The following CASR variants were observed in gnomAD, a reference collection of about 807,000 sequenced individuals.
The protein encoded by CASR is calcium sensing receptor.
Under a neutral mutation model 69.1 loss-of-function variants are expected in CASR, and 23 were observed. That is an observed-to-expected ratio of 0.33 (90% CI 0.24 to 0.47). The LOEUF (loss-of-function observed/expected upper bound fraction) is 0.47. Among genes scored for constraint, CASR ranks in the 20% least tolerant of loss-of-function variants. The probability of loss-of-function intolerance (pLI) is 1.00; values close to 1 mark genes in which losing one functional copy is unlikely to be tolerated. For synonymous variants in CASR, 541 were observed against 544.7 expected, an observed-to-expected ratio of 0.99 and a Z score of 0.10; for missense variants, 924 against 1,356.1, an observed-to-expected ratio of 0.68 and a Z score of 5.00.
chr3:122,241,827 C>A (rs2074381728), intron 1 of CASR, among the ~76,000 whole-genome samples: 1 of 152,114 alleles, frequency 6.6e-6, no homozygotes, highest in African/African-American at 2.4e-5. Context: ...AAATATCATT[C>A]ATCATGACCA....
At chr3:122,187,782 G>A (rs952561202) in intron 1 of CASR, among the ~76,000 whole-genome samples, 1 of 152,154 alleles carries the variant, frequency 6.6e-6, no homozygotes, top group African/African-American at 2.4e-5. Flanking sequence ...GAAACATCAT[G>A]TCAAGTTCTA....
At position 122,240,319 on chromosome 3, in the gene CASR, G is replaced by A. The variant is rs775752864; in HGVS notation, c.-242-13629G>A. On this transcript the variant is annotated intron_variant, in intron 1 of 6. Transcript: ENST00000639785. ...TCACCTATAAAGGTACACATAGGCTGAAAATAAAGGGATGGAAAAAGATAT... is the reference window on the plus strand; with the variant it reads ...TCACCTATAAAGGTACACATAGGCTAAAAATAAAGGGATGGAAAAAGATAT... 2.3e-4 allele frequency among the ~76,000 whole-genome samples: 35 copies of A among 152,268 alleles called. 1 individual carries two copies. Among genetic ancestry groups the A allele is most frequent in the Non-Finnish European group, 4.3e-4 (29 of 68,018 alleles).
chr3:122,277,236 G>A (rs34464400), intron 5 of CASR, among the ~76,000 whole-genome samples: 25,665 of 151,602 alleles, frequency 0.17, 2,604 homozygotes, highest in East Asian at 0.4. Flanking sequence ...TAGTAGAGAC[G>A]GGGTTTCACC....
intron 1 of CASR, among the ~76,000 whole-genome samples, chr3:122,252,406 G>GGAAGGAAAAAGAAAGAAAGAAA: frequency 1.8e-4 from 1 of 5,654 alleles, no homozygotes; most frequent in South Asian, 4.8e-3. Flanking sequence ...AAGGAAGGAA[G>GGAAGGAAAAAGAAAGAAAGAAA]GAAAAAGAAA....
At chr3:122,205,873 C>T (rs1184866992) in intron 1 of CASR, among the ~76,000 whole-genome samples, 1 of 151,606 alleles carries the variant, frequency 6.6e-6, no homozygotes, top group African/African-American at 2.4e-5. Flanking sequence ...TCAGATTGTT[C>T]ACTGGTGGTG....
intron 1 of CASR, among the ~76,000 whole-genome samples, chr3:122,253,084 G>C (rs2074515288): frequency 6.6e-6 from 1 of 152,150 alleles, no homozygotes; most frequent in Non-Finnish European, 1.5e-5. Context: ...TATAAGAACT[G>C]TTCTTAAAAG....
intron 1 of CASR, among the ~76,000 whole-genome samples, chr3:122,203,780 A>G (rs1320446536): frequency 6.6e-6 from 1 of 152,250 alleles, no homozygotes; most frequent in Non-Finnish European, 1.5e-5. Context: ...ATGTTGGGAT[A>G]GGTAAGATGT....
chr3:122,193,381 T>C (rs112810772), intron 1 of CASR, among the ~76,000 whole-genome samples: 4,592 of 152,132 alleles, frequency 0.03, 106 homozygotes, highest in South Asian at 0.068. Context: ...CATGCCCAGC[T>C]GATTTTTGTA....
chr3:122,277,550 G>A lies in CASR; in HGVS notation c.1608+1508G>A, dbSNP rs759998415. On this transcript the variant is annotated intron_variant, in intron 5 of 6. Transcript: ENST00000639785. ...TAATAGCTTACACCCCAGAGGGTGGGTTCTTAATTATAAATATGTCATGAC... is the reference window on the plus strand; with the variant it reads ...TAATAGCTTACACCCCAGAGGGTGGATTCTTAATTATAAATATGTCATGAC... 1.6e-4 allele frequency among the ~76,000 whole-genome samples: 24 copies of A among 152,162 alleles called. 1 individual carries two copies. Among genetic ancestry groups the A allele is most frequent in the Non-Finnish European group, 2.9e-4 (20 of 68,026 alleles).
At chr3:122,233,017 C>G (rs1330880175) in intron 1 of CASR, among the ~76,000 whole-genome samples, 1 of 152,222 alleles carries the variant, frequency 6.6e-6, no homozygotes, top group African/African-American at 2.4e-5. Context: ...ATGGAACTAA[C>G]CAAACATTTC....
intron 4 of CASR, among the ~76,000 whole-genome samples, chr3:122,274,729 T>C (rs2074796007): frequency 1.3e-5 from 2 of 152,202 alleles, no homozygotes; most frequent in African/African-American, 4.8e-5. Flanking sequence ...TAGTGAGACC[T>C]TGTCTCTACA....
chr3:122,209,058 A>G (rs1576823514), intron 1 of CASR, among the ~76,000 whole-genome samples: 1 of 152,204 alleles, frequency 6.6e-6, no homozygotes. Flanking sequence ...CTCCTAATGC[A>G]GTAGTACTTA....
chr3:122,185,135 T>G (rs1199642232), intron 1 of CASR, among the ~76,000 whole-genome samples: 1 of 152,190 alleles, frequency 6.6e-6, no homozygotes, highest in East Asian at 1.9e-4. Flanking sequence ...ATTTTAACAT[T>G]ATAGCTTTCA....
chr3:122,239,329 G>A (rs2074358603), intron 1 of CASR, among the ~76,000 whole-genome samples: 2 of 152,210 alleles, frequency 1.3e-5, no homozygotes, highest in South Asian at 4.1e-4. Flanking sequence ...GGGCTCCTCT[G>A]CCTGTGGAAA....
intron 2 of CASR, among the ~76,000 whole-genome samples, chr3:122,255,874 C>T (rs549790088): frequency 4.1e-5 from 6 of 147,544 alleles, no homozygotes; most frequent in Non-Finnish European, 7.4e-5. Context: ...CTGTCACTGT[C>T]ACTGAGTTCA....
intron 4 of CASR, among the ~76,000 whole-genome samples, chr3:122,264,301 G>C (rs770575691): frequency 6.6e-6 from 1 of 152,122 alleles, no homozygotes; most frequent in Non-Finnish European, 1.5e-5. Flanking sequence ...CATTCCCCAG[G>C]GTTAGCAATT....
intron 1 of CASR, among the ~76,000 whole-genome samples, chr3:122,241,672 G>A (rs1161679619): frequency 6.6e-6 from 1 of 151,940 alleles, no homozygotes; most frequent in Non-Finnish European, 1.5e-5. Flanking sequence ...CAAACTCATT[G>A]TATGAGGCCA....
intron 1 of CASR, among the ~76,000 whole-genome samples, chr3:122,249,433 C>G (rs1320050340): frequency 1.3e-5 from 2 of 152,230 alleles, no homozygotes; most frequent in Non-Finnish European, 2.9e-5. Flanking sequence ...GTATCTAGCA[C>G]ATAGAGAGCT....
chr3:122,279,988 T>C (rs188440320), intron 5 of CASR, among the ~76,000 whole-genome samples: 42 of 152,278 alleles, frequency 2.8e-4, no homozygotes, highest in Admixed American at 1.8e-3. Context: ...AGTGTTGTTC[T>C]CCACCCTGTG....
Sources: gnomAD v4.1 joint callset for allele counts (sites outside exome capture counted in the v4.1 genomes callset) on GRCh38, gnomAD v4.1.1 for gene constraint, MANE v1.5 for transcripts, NCBI Gene and HGNC (gene_info 2026-07-23, HGNC 2026-07-21) for gene names.